The following GREB1L variants were observed in gnomAD, a reference collection of about 807,000 sequenced individuals.
GREB1L encodes GREB1-like protein.
A neutral mutation model predicts 200.8 loss-of-function variants in GREB1L; 17 were observed. The ratio of observed to expected loss-of-function variants is 0.08; its 90% CI spans 0.06 to 0.13. The LOEUF is 0.13. GREB1L is among the 10% of genes least tolerant of loss of function. The pLI is 1.00. For synonymous variants in GREB1L, 789 were observed against 893.0 expected (o/e 0.88, Z 2.08); for missense variants, 1,657 against 2,367.7 (o/e 0.70, Z 6.23).
At chr18:21,431,507 A>C (rs2033151104) in intron 7 of GREB1L, among the ~76,000 whole-genome samples, 2 of 152,120 alleles carry the variant, frequency 1.3e-5, no homozygotes, top group African/African-American at 4.8e-5. Context: ...AGTTCTTTGA[A>C]GTTTATTGAG....
intron 1 of GREB1L, among the ~76,000 whole-genome samples, chr18:21,249,382 T>A (rs537852126): frequency 3.3e-5 from 5 of 152,226 alleles, no homozygotes; most frequent in Non-Finnish European, 7.3e-5. Context: ...CCGAGCTTAC[T>A]GAATCAGAAT....
intron 1 of GREB1L, among the ~76,000 whole-genome samples, chr18:21,346,874 C>G (rs1004819058): frequency 9.2e-5 from 14 of 152,130 alleles, no homozygotes; most frequent in African/African-American, 3.1e-4. Flanking sequence ...TCAACTCTTC[C>G]TTTTCTTTAA....
chr18:21,411,414 G>T (rs2030992458), intron 7 of GREB1L, among the ~76,000 whole-genome samples: 1 of 151,914 alleles, frequency 6.6e-6, no homozygotes, highest in Admixed American at 6.6e-5. Context: ...CACCATGTTA[G>T]CCAGGATGGT....
rs1372841072 is a variant in GREB1L at position 21,385,974 on chromosome 18, C to A, written c.355+1571C>A. On this transcript the variant is annotated intron_variant, in intron 4 of 32. Transcript: ENST00000424526. ...GCAGGTATGGAGAGCTGTTTAGTAC[C>A]CACCAAGGTATAATAAACTTAGTGA... 5.3e-5 allele frequency among the ~76,000 whole-genome samples: 8 copies of A among 152,126 alleles called. No homozygotes were observed. In the East Asian group the frequency reaches 1.2e-3, roughly 22 times the overall value.
chr18:21,382,344 CA>C lies in GREB1L; in HGVS notation c.-9-1159del, dbSNP rs1252636059. Among the ~76,000 whole-genome samples, 4 of 151,814 alleles carry C rather than the reference CA, an allele frequency of 2.6e-5. No homozygotes were observed. The East Asian group carries it at 7.8e-4, about 30-fold the overall frequency. On this transcript the variant is annotated intron_variant, in intron 2 of 32. Transcript: ENST00000424526. ...TAACAGAGTAAGTGAGACTGTGTCT[CA>C]AAAAAATTTTTAAAAAAATAGTTTT...
intron 7 of GREB1L, among the ~76,000 whole-genome samples, chr18:21,429,618 G>C (rs1003397634): frequency 6.6e-6 from 1 of 152,004 alleles, no homozygotes; most frequent in Admixed American, 6.6e-5. Flanking sequence ...TTAAATGTTG[G>C]TAGGATTCAC....
intron 14 of GREB1L, chr18:21,452,480 A>G: frequency 2.7e-6 from 1 of 375,240 alleles, no homozygotes; most frequent in Non-Finnish European, 4.7e-6. Flanking sequence ...TTTTCTCTGA[A>G]AGATTCCAGG....
intron 30 of GREB1L, 32 bp downstream of exon 30, chr18:21,516,786 A>C: frequency 6.5e-7 from 1 of 1,538,072 alleles, no homozygotes; most frequent in Non-Finnish European, 8.8e-7. Context: ...CAAGTGCTGA[A>C]AATAAGCACA....
chr18:21,303,005 A>G (rs1007999646), intron 1 of GREB1L, among the ~76,000 whole-genome samples: 28 of 151,998 alleles, frequency 1.8e-4, no homozygotes, highest in Non-Finnish European at 1.5e-5. Context: ...ACAGGCATGA[A>G]CCACTGTGCC....
intron 2 of GREB1L, among the ~76,000 whole-genome samples, chr18:21,371,615 G>T (rs1419041373): frequency 6.6e-6 from 1 of 151,712 alleles, no homozygotes; most frequent in Non-Finnish European, 1.5e-5. Flanking sequence ...GTGAAACCCT[G>T]TCTCTACCAA....
chr18:21,381,814 C>T (rs1386880814), intron 2 of GREB1L, among the ~76,000 whole-genome samples: 1 of 152,126 alleles, frequency 6.6e-6, no homozygotes, highest in Non-Finnish European at 1.5e-5. Context: ...ATAAAGAGAC[C>T]AAGGTTTCTA....
intron 7 of GREB1L, among the ~76,000 whole-genome samples, chr18:21,434,525 GTGTGTGTATATATA>G (rs1319100280): frequency 7.4e-5 from 9 of 121,334 alleles, no homozygotes; most frequent in Non-Finnish European, 1.3e-4. Context: ...GTGTGTGTGT[GTGTGTGTATATATA>G]TGTGTATATA....
chr18:21,505,783 G>A lies in GREB1L; in HGVS notation c.4229-27G>A, dbSNP rs1397461586. ...ATAGGGAAAACATGTTATCTCATGG[G>A]ATGGCTTTTTGCCCCTTTATACACA... On this transcript the variant is annotated intron_variant, in intron 24 of 32. Coordinates refer to ENST00000424526, the MANE Select transcript of GREB1L (RefSeq NM_001142966.3). 9 of 1,543,264 alleles carry A rather than the reference G, an allele frequency of 5.8e-6. No homozygotes were observed. The African/African-American group carries it at 8.3e-5, about 14-fold the overall frequency.
At position 21,313,170 on chromosome 18, in the gene GREB1L, A is replaced by T. The variant is rs1182775559; in HGVS notation, c.-119-52857A>T. On this transcript the variant is annotated intron_variant, in intron 1 of 32. Transcript: ENST00000424526. ...AGATTTTAATATTTTTTAAAATATT[A>T]AAAAATATTAAATATTTTTATTTAA... is the stretch of plus-strand genomic sequence containing the variant. 5.2e-4 allele frequency among the ~76,000 whole-genome samples: 78 copies of T among 151,368 alleles called. 1 individual carries two copies. Among genetic ancestry groups the T allele is most frequent in the Non-Finnish European group, 1.6e-4 (11 of 67,846 alleles).
intron 25 of GREB1L, among the ~76,000 whole-genome samples, chr18:21,507,497 A>G (rs1368854744): frequency 6.6e-6 from 1 of 152,220 alleles, no homozygotes; most frequent in African/African-American, 2.4e-5. Flanking sequence ...GACCTATTAT[A>G]TAATTATTCA....
At chr18:21,449,252 C>T (rs1244515699) in intron 11 of GREB1L, among the ~76,000 whole-genome samples, 1 of 152,144 alleles carries the variant, frequency 6.6e-6, no homozygotes, top group Non-Finnish European at 1.5e-5. Context: ...CTTGGTACCT[C>T]CTCTTTTAAA....
intron 1 of GREB1L, among the ~76,000 whole-genome samples, chr18:21,278,213 C>A (rs1431447023): frequency 6.6e-6 from 1 of 151,828 alleles, no homozygotes; most frequent in Non-Finnish European, 1.5e-5. Flanking sequence ...AACCCCATCT[C>A]TACTAAAAAT....
chr18:21,268,560 C>CACACATATATAT (rs1204514384), intron 1 of GREB1L, among the ~76,000 whole-genome samples: 27 of 63,518 alleles, frequency 4.3e-4, no homozygotes, highest in African/African-American at 5.2e-4. Context: ...CACACACACA[C>CACACATATATAT]ATATATATAT....
chr18:21,516,807 C>T, intron 30 of GREB1L, 53 bp downstream of exon 30: 1 of 1,461,120 alleles, frequency 6.8e-7, no homozygotes, highest in Non-Finnish European at 9.3e-7. Context: ...ATGATAATGA[C>T]TATCTTTGTT....
Sources: gnomAD v4.1 joint callset for allele counts (sites outside exome capture counted in the v4.1 genomes callset) on GRCh38, gnomAD v4.1.1 for gene constraint, MANE v1.5 for transcripts, NCBI Gene and HGNC (gene_info 2026-07-23, HGNC 2026-07-21) for gene names.